Variants in LRIG1 observed in about 807,000 individuals in gnomAD.
LRIG1 encodes the protein leucine-rich repeats and immunoglobulin-like domains protein 1.
In LRIG1, 48 loss-of-function variants were observed where a neutral mutation model predicts 99.2. The ratio of observed to expected loss-of-function variants is 0.48; its 90% CI spans 0.38 to 0.62. The LOEUF is 0.62. Among genes scored for constraint, LRIG1 ranks in the 20% least tolerant of loss-of-function variants. The pLI, the probability that LRIG1 is intolerant of heterozygous loss-of-function variation, is 0.00. For synonymous variants in LRIG1, 772 were observed against 596.1 expected (o/e 1.29, Z -4.30); for missense variants, 1,646 against 1,434.4 (o/e 1.15, Z -2.38).
chr3:66,429,798 G>T (rs1703100514), intron 3 of LRIG1, among the ~76,000 whole-genome samples: 3 of 152,024 alleles, frequency 2.0e-5, no homozygotes, highest in Admixed American at 1.3e-4. Flanking sequence ...GTGTGTGTGT[G>T]TGTGTGTGTG....
At chr3:66,430,285 A>C (rs947210785) in intron 3 of LRIG1, among the ~76,000 whole-genome samples, 3 of 152,252 alleles carry the variant, frequency 2.0e-5, no homozygotes, top group Admixed American at 6.5e-5. Flanking sequence ...TTTTTTAAAA[A>C]AGGTAGGGAA....
rs531346231 is a variant in LRIG1 at position 66,413,213 on chromosome 3, C to G, written c.648-199G>C. ...CACTGATGCTGCCACCTGACCACAC[C>G]TAGTGCAGGCAAGAGGGGTGAGTGA... is the stretch of plus-strand genomic sequence containing the variant. On this transcript the variant is annotated intron_variant, in intron 5 of 18. Transcript: ENST00000273261. Among the ~76,000 whole-genome samples, 120 of 152,326 alleles carry G rather than the reference C, an allele frequency of 7.9e-4. 1 individual carries two copies. Among genetic ancestry groups the G allele is most frequent in the African/African-American group, 2.7e-3 (113 of 41,566 alleles).
rs1220665821 is a variant in LRIG1, at chr3:66,500,283, G to C, written c.125C>G (p.Ala42Gly). 3 of 1,480,766 alleles carry C rather than the reference G, an allele frequency of 2.0e-6. No homozygotes were observed. In the Admixed American group the frequency reaches 7.2e-5, roughly 35 times the overall value. The allele number at this position is 1,480,766 out of a possible 1,614,324, so 91.7% of individuals were successfully genotyped here. ...TAAAGPRAPCAAACTCAGDSL... is the reference protein window; with the variant it reads ...TAAAGPRAPCGAACTCAGDSL... ...GTCCCCAGCGCAAGTGCAGGCGGCC[G>C]CGCAGGGCGCCCGCGGGCCGGCCGC... Residue 42 changes from alanine (A) to glycine (G), a missense_variant, in exon 1 of 19, where the codon GCG (alanine) becomes GGG (glycine). Ala to Gly is a moderately conservative substitution (Grantham distance 60). Coordinates refer to ENST00000273261, the MANE Select transcript of LRIG1 (RefSeq NM_015541.3).
chr3:66,460,787 C>G (rs1700338445), intron 2 of LRIG1, among the ~76,000 whole-genome samples: 1 of 152,246 alleles, frequency 6.6e-6, no homozygotes, highest in Non-Finnish European at 1.5e-5. Context: ...CATGGACTCA[C>G]TGATCCTCTG....
Position 66,409,747 on chromosome 3 carries a change from G to T in LRIG1, c.935+382C>A, listed in dbSNP as rs184616866. On this transcript the variant is annotated intron_variant, in intron 7 of 18. Coordinates refer to ENST00000273261, the MANE Select transcript of LRIG1 (RefSeq NM_015541.3). The stretch of plus-strand genomic sequence containing the variant: ...GAAGAAGCACATGCTATTTGGTGTG[G>T]CCATTAACACACAGTCACTCTCAAA... 2.4e-5 allele frequency: 4 copies of T among 170,148 alleles called. No homozygotes were observed. In the Admixed American group the frequency reaches 2.4e-4, roughly 10 times the overall value. The allele number at this position is 170,148 out of a possible 1,614,324, so 10.5% of individuals were successfully genotyped here. A position where few individuals can be genotyped will look rare whatever the true frequency, so the allele number is the denominator to read the frequency against.
In LRIG1 at chr3:66,380,152, G is replaced by GAGTT. The variant is rs767027982; in HGVS notation, c.*107_*110dup. 4 of 794,692 alleles carry GAGTT rather than the reference G, an allele frequency of 5.0e-6. No homozygotes were observed. Among genetic ancestry groups the GAGTT allele is most frequent in the Non-Finnish European group, 7.9e-6 (4 of 507,100 alleles). The allele number at this position is 794,692 out of a possible 1,614,324, so 49.2% of individuals were successfully genotyped here. A position where few individuals can be genotyped will look rare whatever the true frequency, so the allele number is the denominator to read the frequency against. The stretch of plus-strand genomic sequence containing the variant: ...TGTGAGCGACTGATACTCCACATGG[G>GAGTT]AGTTACAACTATGTACAGATGAGTG... On this transcript the variant is annotated 3_prime_UTR_variant, in exon 19 of 19. Transcript: ENST00000273261.
intron 2 of LRIG1, among the ~76,000 whole-genome samples, chr3:66,451,924 G>A (rs575717486): frequency 2.6e-5 from 4 of 152,274 alleles, no homozygotes; most frequent in African/African-American, 7.2e-5. Flanking sequence ...AAGGAACAGT[G>A]AGAACAAGCC....
At chr3:66,454,069 T>G (rs990274404) in intron 2 of LRIG1, among the ~76,000 whole-genome samples, 12 of 152,154 alleles carry the variant, frequency 7.9e-5, no homozygotes, top group Non-Finnish European at 1.5e-4. Context: ...AGTCAAGGGC[T>G]CAGTCAGAAA....
chr3:66,406,675 G>A (rs1702279341), intron 8 of LRIG1, among the ~76,000 whole-genome samples: 1 of 152,186 alleles, frequency 6.6e-6, no homozygotes, highest in East Asian at 1.9e-4. Context: ...GTTCTATGAA[G>A]CCAACCATGG....
At chr3:66,448,418 A>G (rs1187051045) in intron 3 of LRIG1, among the ~76,000 whole-genome samples, 2 of 152,196 alleles carry the variant, frequency 1.3e-5, no homozygotes, top group Non-Finnish European at 2.9e-5. Flanking sequence ...TAACAAACCC[A>G]CTACTTCTGT....
chr3:66,405,139 C>T, intron 9 of LRIG1, 59 bp downstream of exon 9: 1 of 1,490,538 alleles, frequency 6.7e-7, no homozygotes, highest in Non-Finnish European at 9.3e-7. Flanking sequence ...ACAGAAACAT[C>T]TCCCACCCAA....
At position 66,404,207 on chromosome 3, in the gene LRIG1, A is replaced by T. The variant is rs774404797; in HGVS notation, c.1160+991T>A. ...ACGCTTTTCAAAACAAATCAGAAGC[A>T]TCTACTATATAAAAAGACTCTCCCT... is the stretch of plus-strand genomic sequence containing the variant. On this transcript the variant is annotated intron_variant, in intron 9 of 18. Transcript: ENST00000273261. The T allele has an allele frequency of 1.3e-4, 160 of 1,271,220 alleles. 1 individual carries two copies. The highest frequency in any genetic ancestry group is 1.6e-4 in the Non-Finnish European group (156 of 972,414). The allele number at this position is 1,271,220 out of a possible 1,614,324, so 78.7% of individuals were successfully genotyped here.
At chr3:66,447,255 C>A (rs1378021373) in intron 3 of LRIG1, among the ~76,000 whole-genome samples, 2 of 152,032 alleles carry the variant, frequency 1.3e-5, no homozygotes, top group African/African-American at 4.8e-5. Context: ...TTTAAATGTA[C>A]AATTAAGTTA....
At chr3:66,407,235 A>G (rs750984472) in intron 8 of LRIG1, 113 bp downstream of exon 8, 1 of 1,138,444 alleles carries the variant, frequency 8.8e-7, no homozygotes, top group Non-Finnish European at 1.3e-6. Context: ...CCAGCTTTGG[A>G]TCCAATTCTG....
chr3:66,422,355 C>T (rs912929100), intron 3 of LRIG1, among the ~76,000 whole-genome samples: 1 of 152,210 alleles, frequency 6.6e-6, no homozygotes, highest in African/African-American at 2.4e-5. Flanking sequence ...TTTAACAGCA[C>T]CCAAGTCACA....
chr3:66,430,976 A>G (rs1365810591), intron 3 of LRIG1, among the ~76,000 whole-genome samples: 1 of 150,830 alleles, frequency 6.6e-6, no homozygotes, highest in Non-Finnish European at 1.5e-5. Flanking sequence ...ACCCCAGCAC[A>G]CTGATGGTGT....
At chr3:66,451,463 C>T (rs762482123) in intron 3 of LRIG1, 96 bp downstream of exon 3, 3 of 971,628 alleles carry the variant, frequency 3.1e-6, no homozygotes, top group Non-Finnish European at 4.8e-6. Flanking sequence ...CCAGCGAGCA[C>T]ATGAACTCAA....
intron 12 of LRIG1, 98 bp downstream of exon 12, chr3:66,393,942 G>T: frequency 7.6e-7 from 1 of 1,317,796 alleles, no homozygotes; most frequent in Non-Finnish European, 1.1e-6. Flanking sequence ...ACGGGCTGGG[G>T]TTTACTCTGA....
intron 2 of LRIG1, 130 bp downstream of exon 2, chr3:66,462,308 C>A: frequency 1.4e-6 from 1 of 693,994 alleles, no homozygotes; most frequent in Non-Finnish European, 2.6e-6. Context: ...CAACACAGTC[C>A]ATACACAAAT....
Sources: gnomAD v4.1 joint callset for allele counts (sites outside exome capture counted in the v4.1 genomes callset) on GRCh38, gnomAD v4.1.1 for gene constraint, MANE v1.5 for transcripts, NCBI Gene and HGNC (gene_info 2026-07-23, HGNC 2026-07-21) for gene names.